The following ITGA11 variants were observed in gnomAD, a reference collection of about 807,000 sequenced individuals.
ITGA11 encodes integrin subunit alpha 11, also known as integrin alpha-11.
A neutral mutation model predicts 141.9 loss-of-function variants in ITGA11; 97 were observed. The ratio of observed to expected loss-of-function variants is 0.68; its 90% CI spans 0.58 to 0.81. The LOEUF (loss-of-function observed/expected upper bound fraction) is 0.81. Among genes scored for constraint, ITGA11 ranks in the 30% least tolerant of loss-of-function variants. The probability of loss-of-function intolerance (pLI) is 0.00; values close to 1 mark genes in which losing one functional copy is unlikely to be tolerated. For missense variants in ITGA11, 1,387 were observed against 1,559.2 expected (o/e 0.89, Z 1.86); for synonymous variants, 658 against 624.6 (o/e 1.05, Z -0.80).
At chr15:68,426,299 G>A (rs919594490) in intron 1 of ITGA11, among the ~76,000 whole-genome samples, 1 of 152,236 alleles carries the variant, frequency 6.6e-6, no homozygotes, top group Admixed American at 6.5e-5. Flanking sequence ...GAAGCTCAGA[G>A]CAGGTTCTGA....
chr15:68,341,282 A>G (rs1894560673), intron 10 of ITGA11, among the ~76,000 whole-genome samples: 1 of 152,232 alleles, frequency 6.6e-6, no homozygotes, highest in Non-Finnish European at 1.5e-5. Context: ...GGGCCACGAC[A>G]GGAGCCAGGA....
At chr15:68,428,957 C>T (rs1186435196) in intron 1 of ITGA11, among the ~76,000 whole-genome samples, 1 of 152,128 alleles carries the variant, frequency 6.6e-6, no homozygotes, top group African/African-American at 2.4e-5. Flanking sequence ...CATTTGGGGC[C>T]CTGGCATGTA....
chr15:68,335,792 C>G lies in ITGA11; in HGVS notation c.1330G>C (p.Gly444Arg). The G allele has an allele frequency of 6.2e-7, 1 of 1,613,378 alleles. No homozygotes were observed. The highest frequency in any genetic ancestry group is 8.5e-7 in the Non-Finnish European group (1 of 1,179,656). ...SSRQGRVYVA[G>R]APRFNHTGKV... Reference sequence around the variant, plus strand: ...CCCGTGTGGTTGAACCGGGGGGCTCCGGCCACGTACACCCGCCCCTGCCTG... The same window carrying G: ...CCCGTGTGGTTGAACCGGGGGGCTCGGGCCACGTACACCCGCCCCTGCCTG... The change falls in exon 12 of 30, where the codon GGA (glycine) becomes CGA (arginine). Residue 444 changes from glycine (G) to arginine (R), a missense_variant. Physicochemically the swap from Gly to Arg is moderately radical, Grantham distance 125. Transcript: ENST00000315757. The surrounding 1 kb of genome is among the most constrained non-coding windows in gnomAD (Gnocchi z 4.9).
chr15:68,326,942 A>C lies in ITGA11; in HGVS notation c.2069-146T>G. 1 of 807,524 alleles carries C rather than the reference A, an allele frequency of 1.2e-6. No homozygotes were observed. Among genetic ancestry groups the C allele is most frequent in the Non-Finnish European group, 1.9e-6 (1 of 525,004 alleles). The allele number at this position is 807,524 out of a possible 1,614,324, so 50.0% of individuals were successfully genotyped here. ...GCCCCAGTGTGGGTGAGAAACTCCC[A>C]CATGGAGAGCAAGTGATTGCATGAG... On this transcript the variant is annotated intron_variant, in intron 16 of 29. Transcript: ENST00000315757. The surrounding 1 kb of genome is among the most constrained non-coding windows in gnomAD (Gnocchi z 6.8).
In ITGA11 at chr15:68,308,389, G is replaced by A. The variant is rs1230516633; in HGVS notation, c.3175-693C>T. ...TGAAATCACTGATGCTTTATAAAAA[G>A]TTGATGGGGATGATATCACAAAGAA... On this transcript the variant is annotated intron_variant, in intron 26 of 29. Transcript: ENST00000315757. The surrounding 1 kb of genome is among the most constrained non-coding windows in gnomAD (Gnocchi z 5.2). 1.3e-5 allele frequency among the ~76,000 whole-genome samples: 2 copies of A among 152,290 alleles called. No individual in the cohort carries two copies. The highest frequency in any genetic ancestry group is 2.1e-4 in the South Asian group (1 of 4,830).
At chr15:68,358,623 C>A in intron 5 of ITGA11, 38 bp from the exon 6 acceptor site, 4 of 1,586,830 alleles carry the variant, frequency 2.5e-6, no homozygotes, top group South Asian at 2.3e-5. Context: ...ACCCAAGGAG[C>A]AGTGTCTGCG....
In ITGA11 at chr15:68,321,997, C is replaced by G. The variant is rs529045914; in HGVS notation, c.2323-494G>C. Among the ~76,000 whole-genome samples the G allele has an allele frequency of 2.6e-4, 40 of 152,326 alleles. 1 individual carries two copies. The highest frequency in any genetic ancestry group is 3.4e-3 in the Middle Eastern group (1 of 294). On this transcript the variant is annotated intron_variant, in intron 18 of 29. Coordinates refer to ENST00000315757, the MANE Select transcript of ITGA11 (RefSeq NM_001004439.2). The surrounding 1 kb of genome is among the most constrained non-coding windows in gnomAD (Gnocchi z 4.9). ...TTTGGCCTGTAGGAAGTCAGGGAAGCCTTCGAGGAAGTGACAGGGGATCAG... is the reference window on the plus strand; with the variant it reads ...TTTGGCCTGTAGGAAGTCAGGGAAGGCTTCGAGGAAGTGACAGGGGATCAG...
In ITGA11 at chr15:68,332,058, A is replaced by T. The variant is rs7168069; in HGVS notation, c.1571T>A (p.Leu524Gln). 1.1e-5 allele frequency: 18 copies of T among 1,593,950 alleles called. No individual in the cohort carries two copies. In the East Asian group the frequency reaches 3.2e-4, roughly 28 times the overall value. ...CTTTAGCGTTCCGTTATAAACAAAC[A>T]GGTTCTGCAAAACCAGGGGCAGAAA... is the stretch of plus-strand genomic sequence containing the variant. ...KVYVYELRQNLFVYNGTLKDS... is the reference protein window; with the variant it reads ...KVYVYELRQNQFVYNGTLKDS... The change falls in exon 14 of 30, where the codon CTG becomes CAG. Residue 524 changes from leucine (L) to glutamine (Q), a missense_variant. Physicochemically the swap from Leu to Gln is moderately radical, Grantham distance 113. Coordinates refer to ENST00000315757, the MANE Select transcript of ITGA11 (RefSeq NM_001004439.2).
At chr15:68,320,116 G>C in intron 20 of ITGA11, 69 bp downstream of exon 20, 1 of 1,362,328 alleles carries the variant, frequency 7.3e-7, no homozygotes, top group African/African-American at 1.4e-5. Flanking sequence ...ATGTAGCCAG[G>C]AGCCCACCTG....
At chr15:68,362,702 A>C (rs1895284496) in intron 4 of ITGA11, among the ~76,000 whole-genome samples, 1 of 152,048 alleles carries the variant, frequency 6.6e-6, no homozygotes, top group Admixed American at 6.6e-5. Context: ...TGATGGATAG[A>C]TGTGAATGGA....
In ITGA11 at chr15:68,324,122, T is replaced by C. The variant is rs150170925; in HGVS notation, c.2322+1009A>G. On this transcript the variant is annotated intron_variant, in intron 18 of 29. Coordinates refer to ENST00000315757, the MANE Select transcript of ITGA11 (RefSeq NM_001004439.2). The surrounding 1 kb of genome is among the most constrained non-coding windows in gnomAD (Gnocchi z 6.3). ...AATCCAGCTTTGCCAGCCCAGGAGC[T>C]CAGACTTAGGAGAAAGAGGGGAGGT... 9.2e-4 allele frequency among the ~76,000 whole-genome samples: 139 copies of C among 151,130 alleles called. No homozygotes were observed. The highest frequency in any genetic ancestry group is 3.1e-3 in the African/African-American group (129 of 41,026).
chr15:68,412,785 C>T (rs998288790), intron 1 of ITGA11, among the ~76,000 whole-genome samples: 5 of 150,198 alleles, frequency 3.3e-5, no homozygotes, highest in Non-Finnish European at 7.4e-5. Context: ...AAGCAATTCT[C>T]CTGCCTCAGT....
intron 1 of ITGA11, among the ~76,000 whole-genome samples, chr15:68,410,541 C>A (rs1174089440): frequency 6.6e-6 from 1 of 152,072 alleles, no homozygotes; most frequent in Non-Finnish European, 1.5e-5. Context: ...GGAAAAAAAA[C>A]AACCCATTCA....
intron 7 of ITGA11, 194 bp downstream of exon 7, chr15:68,356,957 A>C: frequency 1.7e-6 from 1 of 580,904 alleles, no homozygotes; most frequent in Non-Finnish European, 3.0e-6. Context: ...CCAAGGTGAC[A>C]CCAGACTGCA....
intron 11 of ITGA11, chr15:68,336,177 G>C (rs1894349901): frequency 6.0e-6 from 2 of 334,258 alleles, no homozygotes; most frequent in Admixed American, 8.8e-5. Context: ...GCACAGCAGA[G>C]GGCAATGGGG....
At position 68,301,040 on chromosome 15, in the gene ITGA11, CAACATTTCCTT is replaced by C. The variant is rs1368375283; in HGVS notation, c.*2008_*2018del. Reference sequence around the variant, plus strand: ...ATGACGGAAATGGAATATGATTTAGCAACATTTCCTTCTGATTCTATTAGAAGGCAATGGGT... The same window carrying C: ...ATGACGGAAATGGAATATGATTTAGCCTGATTCTATTAGAAGGCAATGGGT... On this transcript the variant is annotated 3_prime_UTR_variant, in exon 30 of 30. Coordinates refer to ENST00000315757, the MANE Select transcript of ITGA11 (RefSeq NM_001004439.2). This position sits in a 1 kb window ranked among gnomAD's most constrained non-coding sequence, Gnocchi z 4.4. 2 of 152,176 alleles carry C rather than the reference CAACATTTCCTT, an allele frequency of 1.3e-5. No homozygotes were observed. Among genetic ancestry groups the C allele is most frequent in the Non-Finnish European group, 2.9e-5 (2 of 68,032 alleles). 9.4% of individuals were successfully genotyped at this position (152,176 alleles called of 1,614,324 possible).
rs1897006313 is a variant in ITGA11, at chr15:68,421,005, T to TGAGA, written c.52+11009_52+11010insTCTC. ...GAGAAGCATGTTGGAGTAAACTGCC[T>TGAGA]GAGGTTTGGTGGGCAGGATGCCGGA... On this transcript the variant is annotated intron_variant, in intron 1 of 29. Coordinates refer to ENST00000315757, the MANE Select transcript of ITGA11 (RefSeq NM_001004439.2). Among the ~76,000 whole-genome samples, 2 of 9,130 alleles carry TGAGA rather than the reference T, an allele frequency of 2.2e-4. 1 individual carries two copies. Among genetic ancestry groups the TGAGA allele is most frequent in the Non-Finnish European group, 4.7e-4 (2 of 4,284 alleles). The allele number at this position is 9,130 out of a possible 152,430, so 6.0% of individuals were successfully genotyped here.
At chr15:68,348,296 G>A (rs559660317) in intron 10 of ITGA11, among the ~76,000 whole-genome samples, 3 of 152,300 alleles carry the variant, frequency 2.0e-5, no homozygotes, top group Admixed American at 1.3e-4. Flanking sequence ...GGGGGCCTAT[G>A]AGTCACCTGC....
chr15:68,417,888 CTTCT>C (rs1896924609), intron 1 of ITGA11, among the ~76,000 whole-genome samples: 2 of 152,210 alleles, frequency 1.3e-5, no homozygotes, highest in Admixed American at 6.5e-5. Flanking sequence ...CTCACAACAT[CTTCT>C]TTATGTATTT....
Sources: gnomAD v4.1 joint callset for allele counts (sites outside exome capture counted in the v4.1 genomes callset) on GRCh38, gnomAD v4.1.1 for gene constraint, Gnocchi (gnomAD v3.1) non-coding constraint, MANE v1.5 for transcripts, NCBI Gene and HGNC (gene_info 2026-07-23, HGNC 2026-07-21) for gene names.